Variants in PCNX2 observed in about 807,000 individuals in gnomAD.
The protein encoded by PCNX2 is pecanex 2, also known as pecanex-like protein 2.
In PCNX2, 168 loss-of-function variants were observed where a neutral mutation model predicts 223.8. That is an observed-to-expected ratio of 0.75 (90% CI 0.66 to 0.85). The LOEUF (loss-of-function observed/expected upper bound fraction) is 0.85, where lower values mean the gene tolerates loss of function less well. PCNX2 is among the 40% of genes least tolerant of loss of function. The pLI is 0.00. For missense variants in PCNX2, 2,507 were observed against 2,675.5 expected (o/e 0.94, Z 1.39); for synonymous variants, 1,006 against 1,052.6 (o/e 0.96, Z 0.86).
chr1:233,285,531 C>A (rs960536150), intron 1 of PCNX2, among the ~76,000 whole-genome samples: 2 of 151,796 alleles, frequency 1.3e-5, no homozygotes, highest in Admixed American at 1.3e-4. Flanking sequence ...AAAAATTAGC[C>A]GGGCGTGGTG....
In PCNX2 at chr1:233,252,721, C is replaced by T. The variant is rs753629780; in HGVS notation, c.1902G>A (p.Lys634=). The T allele has an allele frequency of 3.1e-6, 5 of 1,613,924 alleles. No individual in the cohort carries two copies. The highest frequency in any genetic ancestry group is 3.4e-6 in the Non-Finnish European group (4 of 1,179,886). ...GACTTTGCAAATCTGGTTTTCCTTG[C>T]TTAGAACTGTGTCCACTGGGCTTTT... is the stretch of plus-strand genomic sequence containing the variant. The part of the protein sequence containing the change: ...ENEKPSGHSS[K]QGKPDLQSQD... The change falls in exon 6 of 34, where the codon AAG becomes AAA. Residue 634 remains lysine, a synonymous_variant. Transcript: ENST00000258229.
intron 14 of PCNX2, 31 bp downstream of exon 14, chr1:233,200,123 T>A (rs1680979339): frequency 5.4e-6 from 8 of 1,474,930 alleles, no homozygotes; most frequent in Non-Finnish European, 7.4e-6. Flanking sequence ...CTGAATTCCT[T>A]TACAGGAAGA....
In PCNX2 at chr1:233,094,956, T is replaced by C. The variant is rs79745002; in HGVS notation, c.3946+799A>G. ...CAGGGATTCTGATGCAAGTGGTCCCTGTTTCCTGGGAAACACACAGGTTTA... is the reference window on the plus strand; with the variant it reads ...CAGGGATTCTGATGCAAGTGGTCCCCGTTTCCTGGGAAACACACAGGTTTA... On this transcript the variant is annotated intron_variant, in intron 22 of 33. Transcript: ENST00000258229. 1.5e-3 allele frequency among the ~76,000 whole-genome samples: 221 copies of C among 152,324 alleles called. 12 individuals carry two copies. The East Asian group carries it at 0.04, about 27-fold the overall frequency.
rs1028121227 is a variant in PCNX2, at chr1:232,990,855, G to C, written c.5792-4315C>G. On this transcript the variant is annotated intron_variant, in intron 32 of 33. Transcript: ENST00000258229. The surrounding 1 kb of genome is among the most constrained non-coding windows in gnomAD (Gnocchi z 4.3). ...GCCTCTTCCCCAGGGTCGTCTCCCA[G>C]GGCGGACCTTGGGCCTACTTGCAGG... is the stretch of plus-strand genomic sequence containing the variant. Among the ~76,000 whole-genome samples the C allele has an allele frequency of 1.3e-5, 2 of 152,200 alleles. No homozygotes were observed. The highest frequency in any genetic ancestry group is 2.9e-5 in the Non-Finnish European group (2 of 68,042).
intron 12 of PCNX2, among the ~76,000 whole-genome samples, chr1:233,213,640 A>C (rs1336217115): frequency 6.6e-6 from 1 of 152,170 alleles, no homozygotes; most frequent in Non-Finnish European, 1.5e-5. Context: ...CTCCCTGAAT[A>C]GTAGCAACAG....
At chr1:233,086,163 G>A (rs958976054) in intron 23 of PCNX2, among the ~76,000 whole-genome samples, 1 of 152,132 alleles carries the variant, frequency 6.6e-6, no homozygotes, top group African/African-American at 2.4e-5. Flanking sequence ...TTGAGGGAGG[G>A]AAGGTCATTC....
intron 17 of PCNX2, among the ~76,000 whole-genome samples, chr1:233,174,119 T>C (rs1679327714): frequency 1.4e-5 from 2 of 146,030 alleles, no homozygotes; most frequent in Non-Finnish European, 3.0e-5. Context: ...ATATTATATA[T>C]AATAAATTAT....
At chr1:233,016,710 A>G (rs1043821153) in intron 27 of PCNX2, 1 of 923,042 alleles carries the variant, frequency 1.1e-6, no homozygotes, top group Non-Finnish European at 1.3e-6. Flanking sequence ...AAAGGGATCT[A>G]TATCTTTAAG....
intron 23 of PCNX2, among the ~76,000 whole-genome samples, chr1:233,058,680 T>TA (rs1372831071): frequency 3.2e-4 from 48 of 148,486 alleles, no homozygotes; most frequent in African/African-American, 1.2e-3. Flanking sequence ...TTTTTTTTTT[T>TA]TTTTGAGATG....
intron 20 of PCNX2, among the ~76,000 whole-genome samples, chr1:233,137,934 G>T (rs1213338496): frequency 6.6e-6 from 1 of 152,210 alleles, no homozygotes; most frequent in African/African-American, 2.4e-5. Flanking sequence ...AGTTCACTCT[G>T]TGACTATTTA....
chr1:233,018,099 T>A (rs142548310), intron 26 of PCNX2, among the ~76,000 whole-genome samples: 3 of 152,350 alleles, frequency 2.0e-5, no homozygotes, highest in Non-Finnish European at 4.4e-5. Context: ...CATGGCTCAC[T>A]GAAGCCTTGA....
intron 10 of PCNX2, among the ~76,000 whole-genome samples, chr1:233,222,881 A>T (rs1285854): frequency 0.72 from 109,496 of 152,086 alleles, 40,264 homozygotes; most frequent in African/African-American, 0.86. Flanking sequence ...GTCATCCTGA[A>T]ATCATGAGAT....
chr1:233,207,900 C>G (rs574277923), intron 13 of PCNX2, among the ~76,000 whole-genome samples: 4 of 152,256 alleles, frequency 2.6e-5, no homozygotes, highest in African/African-American at 7.2e-5. Flanking sequence ...TGCTGCTACC[C>G]TGATGGCAAA....
At chr1:233,123,870 C>T (rs1675947418) in intron 21 of PCNX2, among the ~76,000 whole-genome samples, 1 of 152,146 alleles carries the variant, frequency 6.6e-6, no homozygotes, top group Non-Finnish European at 1.5e-5. Flanking sequence ...CTGAAAAAGA[C>T]CATATAGTCA....
chr1:233,231,670 CA>C (rs1157690242), intron 9 of PCNX2: 1 of 984,848 alleles, frequency 1.0e-6, no homozygotes, highest in East Asian at 1.1e-4. Flanking sequence ...GAACAGTAGA[CA>C]GAAGAAAAAG....
chr1:233,318,061 G>A, the PCNX2 span, among the ~76,000 whole-genome samples: 1 of 152,270 alleles, frequency 6.6e-6, no homozygotes, highest in East Asian at 1.9e-4. Context: ...TGTAATCCAA[G>A]GTAAGTATGA....
intron 21 of PCNX2, among the ~76,000 whole-genome samples, chr1:233,133,463 G>T (rs1676623511): frequency 6.6e-6 from 1 of 152,150 alleles, no homozygotes; most frequent in Admixed American, 6.5e-5. Context: ...ATAAAATACA[G>T]AAATTGGGGC....
chr1:233,318,221 A>G, the PCNX2 span, among the ~76,000 whole-genome samples: 13 of 152,318 alleles, frequency 8.5e-5, no homozygotes, highest in Non-Finnish European at 1.6e-4. Context: ...AGGTTTGGGG[A>G]AAAATAACTA....
At chr1:233,211,944 T>G in intron 12 of PCNX2, 1 of 309,282 alleles carries the variant, frequency 3.2e-6, no homozygotes, top group Non-Finnish European at 4.7e-6. Context: ...AGACATTCTC[T>G]GCCCATTTCT....
Sources: gnomAD v4.1 joint callset for allele counts (sites outside exome capture counted in the v4.1 genomes callset) on GRCh38, gnomAD v4.1.1 for gene constraint, Gnocchi (gnomAD v3.1) non-coding constraint, MANE v1.5 for transcripts, NCBI Gene and HGNC (gene_info 2026-07-23, HGNC 2026-07-21) for gene names.